ATG13: variants seen among roughly 807,000 people sequenced by gnomAD.
ATG13 encodes autophagy related 13, also known as autophagy-related protein 13.
ATG13 carries 23 observed loss-of-function variants against 65.5 expected under a neutral mutation model. The observed-to-expected ratio is 0.35, with a 90% CI of 0.25 to 0.50. The LOEUF (loss-of-function observed/expected upper bound fraction) is 0.50, where lower values mean the gene tolerates loss of function less well. ATG13 is among the 20% of genes least tolerant of loss of function. ATG13 has a pLI of 0.98. For synonymous variants in ATG13, 252 were observed against 245.2 expected, an observed-to-expected ratio of 1.03 and a Z score of -0.26; for missense variants, 566 against 677.0, an observed-to-expected ratio of 0.84 and a Z score of 1.82.
chr11:46,665,011 C>G, intron 13 of ATG13, 52 bp downstream of exon 13: 1 of 1,512,916 alleles, frequency 6.6e-7, no homozygotes, highest in Non-Finnish European at 9.2e-7. Flanking sequence ...CCTCCCCTGC[C>G]CGGAGGCAAT....
intron 11 of ATG13, 52 bp from the exon 12 acceptor site, chr11:46,663,945 C>CTTTTTTTTTTTTTTTTTTTTTTCT: frequency 1.3e-6 from 1 of 763,270 alleles, no homozygotes; most frequent in Admixed American, 3.0e-5. Flanking sequence ...AGTCCCTTTT[C>CTTTTTTTTTTTTTTTTTTTTTTCT]TTTTTTTTTT....
At chr11:46,644,521 C>T (rs1397955907) in intron 3 of ATG13, among the ~76,000 whole-genome samples, 161 bp downstream of exon 3, 6 of 150,662 alleles carry the variant, frequency 4.0e-5, no homozygotes, top group African/African-American at 7.3e-5. Context: ...GGTATGGGGG[C>T]GGTATTGGGG....
intron 1 of ATG13, among the ~76,000 whole-genome samples, chr11:46,627,370 C>T (rs900076389): frequency 6.6e-6 from 1 of 151,976 alleles, no homozygotes; most frequent in Non-Finnish European, 1.5e-5. Context: ...CAGAGCAAGA[C>T]TCTGTCTCAA....
intron 18 of ATG13, among the ~76,000 whole-genome samples, chr11:46,670,681 G>A (rs1472037251): frequency 6.6e-6 from 1 of 151,958 alleles, no homozygotes. Flanking sequence ...GGTGGCATCC[G>A]TCTGTAGTTC....
At chr11:46,641,048 C>T (rs2055811793) in intron 2 of ATG13, among the ~76,000 whole-genome samples, 1 of 152,178 alleles carries the variant, frequency 6.6e-6, no homozygotes, top group African/African-American at 2.4e-5. Flanking sequence ...AAACAGGAAA[C>T]AACTCAAATG....
intron 10 of ATG13, 83 bp from the exon 11 acceptor site, chr11:46,659,309 T>C: frequency 9.0e-7 from 1 of 1,105,896 alleles, no homozygotes; most frequent in Admixed American, 1.8e-5. Flanking sequence ...ACAGGTCCCA[T>C]CTCTATCTAA....
At chr11:46,622,098 T>TATATATATATATATATATATATATATAC (rs2047784701) in intron 1 of ATG13, among the ~76,000 whole-genome samples, 1 of 64,528 alleles carries the variant, frequency 1.5e-5, no homozygotes, top group Non-Finnish European at 3.1e-5. Flanking sequence ...TATATATATA[T>TATATATATATATATATATATATATATAC]ATATATATAT....
In ATG13 at chr11:46,650,294, G is replaced by T; in HGVS notation, c.435G>T (p.Gly145=). The T allele has an allele frequency of 6.2e-7, 1 of 1,613,932 alleles. No homozygotes were observed. Among genetic ancestry groups the T allele is most frequent in the Non-Finnish European group, 8.5e-7 (1 of 1,179,962 alleles). The change falls in exon 7 of 19, where the codon GGG becomes GGT. Residue 145 remains glycine, a synonymous_variant. Coordinates refer to ENST00000683050, the MANE Select transcript of ATG13 (RefSeq NM_001346311.2). ...TPAYRLSRKQ[G]HEYVILYRIY... ...CCTATAGGCTCTCCAGGAAACAAGG[G>T]CATGAATATGTCATATTATACAGGT...
chr11:46,637,092 A>G (rs1181097593), intron 2 of ATG13, among the ~76,000 whole-genome samples: 1 of 152,208 alleles, frequency 6.6e-6, no homozygotes, highest in Non-Finnish European at 1.5e-5. Context: ...AGGGGTATTA[A>G]GGAGTGGCTA....
At chr11:46,656,353 T>G in intron 8 of ATG13, 80 bp downstream of exon 8, 1 of 1,394,872 alleles carries the variant, frequency 7.2e-7, no homozygotes, top group African/African-American at 1.4e-5. Context: ...CTACTTGTTA[T>G]AATATGTAGA....
At chr11:46,638,092 A>G (rs1036023742) in intron 2 of ATG13, among the ~76,000 whole-genome samples, 2 of 152,192 alleles carry the variant, frequency 1.3e-5, no homozygotes, top group Admixed American at 6.5e-5. Flanking sequence ...GATAATTAGC[A>G]TATTCATCAT....
rs1034732266 is a variant in ATG13 at position 46,633,830 on chromosome 11, C to T, written c.-14+3730C>T. ...TGTTTCCAAAAAATATATTTATATG[C>T]TATATAAACAGTCTCTTTTAACTTG... is the stretch of plus-strand genomic sequence containing the variant. On this transcript the variant is annotated intron_variant, in intron 2 of 18. Coordinates refer to ENST00000683050, the MANE Select transcript of ATG13 (RefSeq NM_001346311.2). Among the ~76,000 whole-genome samples the T allele has an allele frequency of 3.3e-5, 5 of 152,182 alleles. No individual in the cohort carries two copies. In the South Asian group the frequency reaches 1.0e-3, roughly 32 times the overall value.
chr11:46,645,853 T>C lies in ATG13; in HGVS notation c.151-17T>C, dbSNP rs1234424473. The C allele has an allele frequency of 1.2e-6, 2 of 1,613,936 alleles. No individual in the cohort carries two copies. The highest frequency in any genetic ancestry group is 2.2e-5 in the South Asian group (2 of 91,060). ...TTCCTGTGAGTGTTTCATGCAAAAG[T>C]CCCTTTTGTTTTCCAGTTCAACTTA... is the stretch of plus-strand genomic sequence containing the variant. On this transcript the variant is annotated splice_polypyrimidine_tract_variant and intron_variant, in intron 4 of 18. Transcript: ENST00000683050.
intron 2 of ATG13, among the ~76,000 whole-genome samples, chr11:46,631,796 T>C (rs759944556): frequency 2.6e-5 from 4 of 152,168 alleles, no homozygotes; most frequent in Non-Finnish European, 4.4e-5. Context: ...GGAGGATCAC[T>C]TGGGCCCAGG....
chr11:46,621,337 T>C (rs2047439568), intron 1 of ATG13, among the ~76,000 whole-genome samples: 1 of 152,184 alleles, frequency 6.6e-6, no homozygotes, highest in African/African-American at 2.4e-5. Context: ...TTTTGAGTTG[T>C]TGATACTTTC....
At position 46,668,830 on chromosome 11, in the gene ATG13, C is replaced by T. The variant is rs765773034; in HGVS notation, c.1366C>T (p.Leu456Phe). 3.7e-6 allele frequency: 6 copies of T among 1,613,998 alleles called. No individual in the cohort carries two copies. The South Asian group carries it at 5.5e-5, about 15-fold the overall frequency. ...PPDSPETESP[L>F]QGSLHSDGSS... ...AGATTCCCCAGAGACTGAATCTCCTCTCCAGGGCAGCCTGCACTCAGATGG... is the reference window on the plus strand; with the variant it reads ...AGATTCCCCAGAGACTGAATCTCCTTTCCAGGGCAGCCTGCACTCAGATGG... The change falls in exon 17 of 19, where the codon CTC (leucine) becomes TTC (phenylalanine). Residue 456 changes from leucine to phenylalanine, a missense_variant. By Grantham distance (22) the Leu-to-Phe change is conservative. Around this residue, in one of 2 missense-constraint regions of ATG13, gnomAD observed 387 missense variants for 409.8 expected, o/e 0.94. Transcript: ENST00000683050.
chr11:46,636,557 CAAAAAAAAAAAAA>C (rs374517009), intron 2 of ATG13, among the ~76,000 whole-genome samples: 1 of 47,302 alleles, frequency 2.1e-5, no homozygotes, highest in African/African-American at 8.0e-5. Flanking sequence ...GACTCCGTCT[CAAAAAAAAAAAAA>C]AAAAAAAAAA....
Position 46,617,761 on chromosome 11 carries a change from A to G in ATG13, c.-199A>G, listed in dbSNP as rs539847018. 5.8e-5 allele frequency: 23 copies of G among 398,882 alleles called. No homozygotes were observed. In the South Asian group the frequency reaches 6.4e-4, roughly 11 times the overall value. The allele number at this position is 398,882 out of a possible 1,614,324, so 24.7% of individuals were successfully genotyped here. On this transcript the variant is annotated 5_prime_UTR_variant, in exon 1 of 19. Transcript: ENST00000683050. ...GACCCTTCTGAAGCCTTAGGTGTCT[A>G]TCGGCGACGTGTACGGTCACTGCAG...
chr11:46,627,401 G>A (rs1394583890), intron 1 of ATG13, among the ~76,000 whole-genome samples: 3 of 151,998 alleles, frequency 2.0e-5, no homozygotes, highest in Non-Finnish European at 2.9e-5. Flanking sequence ...AATAAATACA[G>A]AGAAATGTAA....
Sources: gnomAD v4.1 joint callset for allele counts (sites outside exome capture counted in the v4.1 genomes callset) on GRCh38, gnomAD v4.1.1 for gene constraint, gnomAD v4.1.1 regional missense constraint, MANE v1.5 for transcripts, NCBI Gene and HGNC (gene_info 2026-07-23, HGNC 2026-07-21) for gene names.